Variants in NPAS3 observed in about 807,000 individuals in gnomAD.
The protein encoded by NPAS3 is neuronal PAS domain protein 3, also known as neuronal PAS domain-containing protein 3.
Under a neutral mutation model 73.1 loss-of-function variants are expected in NPAS3, and 14 were observed. That is an observed-to-expected ratio of 0.19 (90% CI 0.13 to 0.30). NPAS3 has a LOEUF of 0.30. NPAS3 is among the 10% of genes least tolerant of loss of function. The pLI, the probability that NPAS3 is intolerant of heterozygous loss-of-function variation, is 1.00. For missense variants in NPAS3, 1,096 were observed against 1,250.0 expected (o/e 0.88, Z 1.86); for synonymous variants, 620 against 541.5 (o/e 1.14, Z -2.01).
intron 4 of NPAS3, among the ~76,000 whole-genome samples, chr14:33,525,769 G>A (rs146104772): frequency 1.3e-3 from 192 of 152,200 alleles, no homozygotes; most frequent in African/African-American, 4.3e-3. Flanking sequence ...CAAATTATTG[G>A]CCACTAACAC....
intron 4 of NPAS3, among the ~76,000 whole-genome samples, chr14:33,482,157 T>A (rs2051362936): frequency 6.6e-6 from 1 of 152,002 alleles, no homozygotes. Flanking sequence ...TTTCAAAGGC[T>A]GGAAGTAAAA....
At chr14:32,949,596 A>G (rs2036401991) in intron 1 of NPAS3, among the ~76,000 whole-genome samples, 1 of 152,058 alleles carries the variant, frequency 6.6e-6, no homozygotes, top group Admixed American at 6.6e-5. Flanking sequence ...AAAGTATGGA[A>G]CTGTGTACTG....
intron 2 of NPAS3, among the ~76,000 whole-genome samples, chr14:33,091,511 C>A (rs1304525677): frequency 6.6e-6 from 1 of 152,012 alleles, no homozygotes; most frequent in East Asian, 1.9e-4. Flanking sequence ...GCCTACCAAC[C>A]AAAAAATGTC....
At chr14:33,120,315 C>T (rs961162420) in intron 2 of NPAS3, among the ~76,000 whole-genome samples, 11 of 152,052 alleles carry the variant, frequency 7.2e-5, no homozygotes, top group East Asian at 1.9e-4. Context: ...AACTTTGATA[C>T]GATTACCGGA....
intron 5 of NPAS3, among the ~76,000 whole-genome samples, chr14:33,565,151 A>T (rs374394314): frequency 1.3e-5 from 2 of 152,218 alleles, no homozygotes; most frequent in South Asian, 4.1e-4. Context: ...GTGAAGGTGA[A>T]AGGGGGTAAG....
chr14:33,274,072 T>G (rs1409470710), intron 3 of NPAS3, among the ~76,000 whole-genome samples: 2 of 152,170 alleles, frequency 1.3e-5, no homozygotes, highest in African/African-American at 4.8e-5. Context: ...CACTGTGGCA[T>G]GGCCAGAGAG....
chr14:32,990,449 A>G (rs973624636), intron 1 of NPAS3, among the ~76,000 whole-genome samples: 20 of 152,312 alleles, frequency 1.3e-4, no homozygotes, highest in African/African-American at 3.6e-4. Flanking sequence ...GTGACTATAC[A>G]TAACTCTATA....
chr14:32,965,845 A>T (rs1424738887), intron 1 of NPAS3, among the ~76,000 whole-genome samples: 1 of 152,234 alleles, frequency 6.6e-6, no homozygotes, highest in Admixed American at 6.5e-5. Flanking sequence ...GTTGGGACTA[A>T]AAAACAAATT....
intron 1 of NPAS3, among the ~76,000 whole-genome samples, chr14:33,041,668 G>A (rs986359601): frequency 3.3e-5 from 5 of 152,296 alleles, no homozygotes; most frequent in Non-Finnish European, 7.4e-5. Context: ...ACTGAGACAA[G>A]TATTGCCAGG....
intron 2 of NPAS3, among the ~76,000 whole-genome samples, chr14:33,143,645 T>C (rs1354378162): frequency 4.6e-5 from 7 of 152,222 alleles, no homozygotes; most frequent in African/African-American, 1.7e-4. Flanking sequence ...GTTGTACAAA[T>C]AGCACCTCTA....
chr14:33,365,096 G>C (rs1394994790), intron 3 of NPAS3, among the ~76,000 whole-genome samples: 1 of 144,844 alleles, frequency 6.9e-6, no homozygotes, highest in Non-Finnish European at 1.5e-5. Context: ...TATTAATAAG[G>C]AGCTTTCTGA....
intron 1 of NPAS3, among the ~76,000 whole-genome samples, chr14:33,049,196 CAT>C (rs2138476438): frequency 6.6e-6 from 1 of 152,270 alleles, no homozygotes; most frequent in African/African-American, 2.4e-5. Context: ...TGAGTGAATT[CAT>C]AGTTATAATG....
chr14:33,392,313 A>C (rs891836548), intron 4 of NPAS3, among the ~76,000 whole-genome samples: 1 of 152,166 alleles, frequency 6.6e-6, no homozygotes, highest in Non-Finnish European at 1.5e-5. Context: ...CATGCTTTAC[A>C]ACTGATTTCT....
chr14:33,231,087 A>C (rs564206601), intron 3 of NPAS3, among the ~76,000 whole-genome samples: 1 of 152,326 alleles, frequency 6.6e-6, no homozygotes, highest in South Asian at 2.1e-4. Flanking sequence ...AAGGATTTAC[A>C]CTGAAAATTA....
rs192683248 is a variant in NPAS3 at position 33,045,481 on chromosome 14, A to G, written c.51-10424A>G. On this transcript the variant is annotated intron_variant, in intron 1 of 11. Coordinates refer to ENST00000356141, the Ensembl canonical transcript of NPAS3. ...CATATATTGATTTAATTCATTTAGT[A>G]AGTGACCAGAAGCCTCTTAATCAAG... Among the ~76,000 whole-genome samples the G allele has an allele frequency of 4.3e-3, 651 of 152,356 alleles. 2 individuals carry two copies. The highest frequency in any genetic ancestry group is 7.0e-3 in the Non-Finnish European group (474 of 68,030).
chr14:33,481,415 C>G (rs922685094), intron 4 of NPAS3, among the ~76,000 whole-genome samples: 19 of 152,044 alleles, frequency 1.2e-4, no homozygotes, highest in Admixed American at 3.3e-4. Context: ...AAATGTGATA[C>G]AAATTAGAGT....
intron 4 of NPAS3, among the ~76,000 whole-genome samples, chr14:33,529,318 G>T (rs2053939158): frequency 6.6e-6 from 1 of 151,972 alleles, no homozygotes; most frequent in Non-Finnish European, 1.5e-5. Context: ...ATGCCATCAG[G>T]GTGCTTAACT....
chr14:33,232,876 A>G (rs17100409), intron 3 of NPAS3, among the ~76,000 whole-genome samples: 81,566 of 151,978 alleles, frequency 0.54, 22,360 homozygotes, highest in South Asian at 0.73. Flanking sequence ...TCTCAGAGAC[A>G]TTACAATTTC....
chr14:33,267,125 G>A (rs2040854216), intron 3 of NPAS3, among the ~76,000 whole-genome samples: 1 of 152,098 alleles, frequency 6.6e-6, no homozygotes, highest in South Asian at 2.1e-4. Flanking sequence ...GCATTTTAAA[G>A]CATATAGAAT....
Sources: gnomAD v4.1 joint callset for allele counts (sites outside exome capture counted in the v4.1 genomes callset) on GRCh38, gnomAD v4.1.1 for gene constraint, MANE v1.5 for transcripts, NCBI Gene and HGNC (gene_info 2026-07-23, HGNC 2026-07-21) for gene names.